PXDNL: variants seen among roughly 807,000 people sequenced by gnomAD.
The protein encoded by PXDNL is peroxidasin like, also known as probable oxidoreductase PXDNL.
PXDNL carries 145 observed loss-of-function variants against 150.8 expected under a neutral mutation model. That is an observed-to-expected ratio of 0.96 (90% confidence interval 0.84 to 1.10). PXDNL has a LOEUF of 1.10. Among genes scored for constraint, PXDNL ranks in the 50% least tolerant of loss-of-function variants. The probability of loss-of-function intolerance (pLI) is 0.00; values close to 1 mark genes in which losing one functional copy is unlikely to be tolerated. For missense variants in PXDNL, 2,087 were observed against 1,873.9 expected (o/e 1.11, Z -2.10); for synonymous variants, 757 against 725.7 (o/e 1.04, Z -0.69).
intron 5 of PXDNL, 25 bp downstream of exon 5, chr8:51,499,674 G>C (rs775358394): frequency 1.3e-6 from 2 of 1,555,990 alleles, no homozygotes; most frequent in South Asian, 1.1e-5. Flanking sequence ...CAGAAGCAAA[G>C]GACATCTAAA....
chr8:51,539,273 GT>G (rs893228284), intron 4 of PXDNL, among the ~76,000 whole-genome samples: 14 of 151,842 alleles, frequency 9.2e-5, no homozygotes, highest in African/African-American at 3.4e-4. Flanking sequence ...TTACATTTTT[GT>G]TTTTCGAATG....
At chr8:51,501,278 ACACT>A (rs1364924820) in intron 4 of PXDNL, among the ~76,000 whole-genome samples, 1 of 151,966 alleles carries the variant, frequency 6.6e-6, no homozygotes, top group African/African-American at 2.4e-5. Context: ...ACACACACTC[ACACT>A]CACTAACAGA....
At chr8:51,563,635 T>C (rs969640143) in intron 3 of PXDNL, among the ~76,000 whole-genome samples, 2 of 151,994 alleles carry the variant, frequency 1.3e-5, no homozygotes, top group Non-Finnish European at 2.9e-5. Flanking sequence ...GCCAAGATGT[T>C]TTCTGCCATT....
chr8:51,609,081 G>C (rs906712889), intron 2 of PXDNL, among the ~76,000 whole-genome samples: 3 of 152,224 alleles, frequency 2.0e-5, no homozygotes, highest in African/African-American at 7.2e-5. Flanking sequence ...AGGATTTACA[G>C]TTCTCTAAGG....
At chr8:51,438,193 G>A (rs904966659) in intron 12 of PXDNL, among the ~76,000 whole-genome samples, 5 of 152,106 alleles carry the variant, frequency 3.3e-5, no homozygotes, top group African/African-American at 1.2e-4. Context: ...AACACATCCT[G>A]TGCTCATGAA....
At chr8:51,560,164 G>A (rs899769370) in intron 3 of PXDNL, among the ~76,000 whole-genome samples, 1 of 151,972 alleles carries the variant, frequency 6.6e-6, no homozygotes, top group Admixed American at 6.6e-5. Flanking sequence ...AAATTAAAGA[G>A]AATGTGAATG....
At chr8:51,652,426 C>G (rs1815059911) in intron 2 of PXDNL, among the ~76,000 whole-genome samples, 1 of 142,034 alleles carries the variant, frequency 7.0e-6, no homozygotes, top group Admixed American at 6.9e-5. Context: ...CTCTCTGTCT[C>G]TCTCTCTCTC....
At chr8:51,667,773 G>T (rs559678566) in intron 1 of PXDNL, among the ~76,000 whole-genome samples, 2 of 152,260 alleles carry the variant, frequency 1.3e-5, no homozygotes, top group East Asian at 3.9e-4. Context: ...ACAAGGAGGG[G>T]GTTGCTTTTT....
chr8:51,658,344 GAAAAAAA>G (rs34771782), intron 1 of PXDNL, among the ~76,000 whole-genome samples: 2 of 94,232 alleles, frequency 2.1e-5, no homozygotes, highest in African/African-American at 4.1e-5. Flanking sequence ...CCTGTCTCAA[GAAAAAAA>G]AAAAAAAAAA....
intron 3 of PXDNL, among the ~76,000 whole-genome samples, chr8:51,570,647 G>A (rs1812912874): frequency 6.6e-6 from 1 of 151,642 alleles, no homozygotes; most frequent in Non-Finnish European, 1.5e-5. Context: ...TACTACCATG[G>A]GAAGCTGTCC....
intron 3 of PXDNL, among the ~76,000 whole-genome samples, chr8:51,579,933 C>A (rs951726881): frequency 8.6e-5 from 13 of 151,498 alleles, no homozygotes; most frequent in Middle Eastern, 3.4e-3. Flanking sequence ...TGCAGCACAC[C>A]AACATGGCAC....
chr8:51,694,220 G>T (rs1262931306), intron 1 of PXDNL, among the ~76,000 whole-genome samples: 4 of 152,146 alleles, frequency 2.6e-5, no homozygotes, highest in African/African-American at 9.7e-5. Flanking sequence ...AATTAGCTGG[G>T]GGTGGTGGTG....
chr8:51,413,925 C>T (rs544289819), intron 14 of PXDNL, among the ~76,000 whole-genome samples: 1 of 152,142 alleles, frequency 6.6e-6, no homozygotes, highest in African/African-American at 2.4e-5. Flanking sequence ...GAGAAATAAT[C>T]AGCACAGTAT....
At chr8:51,600,548 T>C (rs1813686121) in intron 2 of PXDNL, among the ~76,000 whole-genome samples, 1 of 134,060 alleles carries the variant, frequency 7.5e-6, no homozygotes, top group Admixed American at 7.7e-5. Flanking sequence ...ATAAATTATA[T>C]CTTATATAAA....
At chr8:51,668,794 A>C (rs1815441146) in intron 1 of PXDNL, among the ~76,000 whole-genome samples, 1 of 152,188 alleles carries the variant, frequency 6.6e-6, no homozygotes, top group South Asian at 2.1e-4. Context: ...TGTGTGGTAA[A>C]CACTTTAACA....
intron 1 of PXDNL, among the ~76,000 whole-genome samples, chr8:51,780,746 G>A (rs1272734481): frequency 7.2e-6 from 1 of 138,188 alleles, no homozygotes; most frequent in Non-Finnish European, 1.5e-5. Context: ...TGCAACCTCC[G>A]TCTCCCAGGT....
intron 11 of PXDNL, among the ~76,000 whole-genome samples, chr8:51,448,560 C>G (rs2129937760): frequency 6.6e-6 from 1 of 152,106 alleles, no homozygotes; most frequent in East Asian, 1.9e-4. Context: ...GAAAAAGTAG[C>G]CGGGCGTGGT....
intron 12 of PXDNL, among the ~76,000 whole-genome samples, chr8:51,441,210 T>C (rs955659946): frequency 3.9e-5 from 6 of 152,188 alleles, no homozygotes; most frequent in African/African-American, 1.4e-4. Context: ...AAGAGGTGTC[T>C]TCTGCCACAA....
intron 1 of PXDNL, among the ~76,000 whole-genome samples, chr8:51,740,753 G>A (rs2036898536): frequency 6.6e-6 from 1 of 151,872 alleles, no homozygotes; most frequent in South Asian, 2.1e-4. Context: ...GATATGTGAT[G>A]AATTACATTT....
Sources: gnomAD v4.1 joint callset for allele counts (sites outside exome capture counted in the v4.1 genomes callset) on GRCh38, gnomAD v4.1.1 for gene constraint, MANE v1.5 for transcripts, NCBI Gene and HGNC (gene_info 2026-07-23, HGNC 2026-07-21) for gene names.